The following NF2 variants were observed in gnomAD, a reference collection of about 807,000 sequenced individuals.
NF2 encodes the protein NF2, moesin-ezrin-radixin like (MERLIN) tumor suppressor.
A neutral mutation model predicts 83.7 loss-of-function variants in NF2; 8 were observed. That is an observed-to-expected ratio of 0.10 (90% CI 0.06 to 0.17). The LOEUF (loss-of-function observed/expected upper bound fraction) is 0.17. Among genes scored for constraint, NF2 ranks in the 10% least tolerant of loss-of-function variants. The pLI is 1.00. For missense variants in NF2, 533 were observed against 744.4 expected, an observed-to-expected ratio of 0.72 and a Z score of 3.31; for synonymous variants, 266 against 269.6, an observed-to-expected ratio of 0.99 and a Z score of 0.13.
intron 3 of NF2, among the ~76,000 whole-genome samples, chr22:29,640,890 T>C (rs2065789607): frequency 6.6e-6 from 1 of 152,046 alleles, no homozygotes; most frequent in South Asian, 2.1e-4. Flanking sequence ...TCCCAGCAAT[T>C]TGGGAGGCCG....
chr22:29,682,752 C>A (rs962761085), intron 15 of NF2, among the ~76,000 whole-genome samples: 1 of 152,160 alleles, frequency 6.6e-6, no homozygotes, highest in Non-Finnish European at 1.5e-5. Context: ...CTGCCTCAGA[C>A]ACCCCATCTC....
chr22:29,646,807 G>A (rs2065994122), intron 4 of NF2, among the ~76,000 whole-genome samples: 2 of 152,172 alleles, frequency 1.3e-5, no homozygotes, highest in Non-Finnish European at 2.9e-5. Context: ...ACTTTGGGAG[G>A]CCAAGGAGGA....
intron 6 of NF2, among the ~76,000 whole-genome samples, chr22:29,657,017 C>T (rs1038291031): frequency 6.6e-6 from 1 of 151,744 alleles, no homozygotes; most frequent in Non-Finnish European, 1.5e-5. Flanking sequence ...AGTTTCCTAA[C>T]ACTTTTTTTT....
At chr22:29,671,417 T>C (rs2066781722) in intron 10 of NF2, among the ~76,000 whole-genome samples, 1 of 152,066 alleles carries the variant, frequency 6.6e-6, no homozygotes, top group African/African-American at 2.4e-5. Context: ...TAGTCCCAGC[T>C]ACTCGGGAGG....
chr22:29,669,485 T>C (rs762702182), intron 10 of NF2, among the ~76,000 whole-genome samples: 2 of 152,144 alleles, frequency 1.3e-5, no homozygotes, highest in Non-Finnish European at 2.9e-5. Context: ...CCAGCCTGGG[T>C]GACCAAGCAA....
intron 1 of NF2, among the ~76,000 whole-genome samples, chr22:29,628,041 C>G (rs2065411022): frequency 6.6e-6 from 1 of 152,228 alleles, no homozygotes; most frequent in African/African-American, 2.4e-5. Flanking sequence ...ATCTAGTTAT[C>G]ATGATTATCA....
At position 29,658,168 on chromosome 22, in the gene NF2, TGTCTTCC is replaced by T; in HGVS notation, c.600-18_600-12del. 6.2e-7 allele frequency: 1 copy of T among 1,612,136 alleles called. No individual in the cohort carries two copies. The highest frequency in any genetic ancestry group is 8.5e-7 in the Non-Finnish European group (1 of 1,178,598). The stretch of plus-strand genomic sequence containing the variant: ...CCATCTCACTTAGCTCCAATGACAG[TGTCTTCC>T]GTTCTCCCCACAGGGATGAAGCTGA... On this transcript the variant is annotated splice_polypyrimidine_tract_variant and intron_variant, in intron 6 of 15. Coordinates refer to ENST00000338641, the MANE Select transcript of NF2 (RefSeq NM_000268.4).
intron 13 of NF2, among the ~76,000 whole-genome samples, 162 bp downstream of exon 13, chr22:29,675,103 C>G (rs946433971): frequency 2.0e-5 from 3 of 152,178 alleles, no homozygotes; most frequent in African/African-American, 7.2e-5. Context: ...CTGGGTAGAA[C>G]ATCCTGGTCT....
intron 7 of NF2, among the ~76,000 whole-genome samples, chr22:29,659,209 G>T (rs1327336560): frequency 6.6e-6 from 1 of 152,070 alleles, no homozygotes; most frequent in Non-Finnish European, 1.5e-5. Flanking sequence ...CTAATTGCTT[G>T]GTTTCTTTAA....
At position 29,695,334 on chromosome 22, in the gene NF2, G is replaced by T. The variant is rs886057346; in HGVS notation, c.*532G>T. ...TTCTCATCGTCAGGGAGCCCGCCCA[G>T]AGCTCGTGACGAGCAAGTGCTGGGT... is the stretch of plus-strand genomic sequence containing the variant. On this transcript the variant is annotated 3_prime_UTR_variant, in exon 16 of 16. Transcript: ENST00000338641. This position sits in a 1 kb window ranked among gnomAD's most constrained non-coding sequence, Gnocchi z 5.4. 9.7e-5 allele frequency: 26 copies of T among 266,722 alleles called. No homozygotes were observed. In the Middle Eastern group the frequency reaches 3.4e-3, roughly 35 times the overall value. The allele number at this position is 266,722 out of a possible 1,614,324, so 16.5% of individuals were successfully genotyped here.
rs757586383 is a variant in NF2 at position 29,681,563 on chromosome 22, G to A, written c.1699G>A (p.Asp567Asn). The change falls in exon 15 of 16, where the codon GAC (aspartate) becomes AAC (asparagine). Residue 567 changes from aspartate to asparagine, a missense_variant. Physicochemically the swap from Asp to Asn is conservative, Grantham distance 23 (BLOSUM62 1). Around this residue, in one of 3 missense-constraint regions of NF2, gnomAD observed 199 missense variants for 240.7 expected, o/e 0.83. Transcript: ENST00000338641. ...GGATATTCTGCACAATGAGAACTCC[G>A]ACAGGGGTGGCAGCAGCAAGCACAA... ...ALDILHNENS[D>N]RGGSSKHNTI... is the part of the protein sequence containing the mutation. 25 of 1,614,042 alleles carry A rather than the reference G, an allele frequency of 1.5e-5. No individual in the cohort carries two copies. Among genetic ancestry groups the A allele is most frequent in the East Asian group, 2.2e-5 (1 of 44,904 alleles).
In NF2 at chr22:29,643,463, G is replaced by T. The variant is rs1487224906; in HGVS notation, c.447+1178G>T. Among the ~76,000 whole-genome samples the T allele has an allele frequency of 7.2e-5, 11 of 152,270 alleles. No individual in the cohort carries two copies. In the East Asian group the frequency reaches 1.9e-3, roughly 27 times the overall value. On this transcript the variant is annotated intron_variant, in intron 4 of 15. Coordinates refer to ENST00000338641, the MANE Select transcript of NF2 (RefSeq NM_000268.4). ...ACTTCCGCAGCGTTTGTGTCCCTGGGTACTTGAGATTAGGGAGTGGTGATG... is the reference window on the plus strand; with the variant it reads ...ACTTCCGCAGCGTTTGTGTCCCTGGTTACTTGAGATTAGGGAGTGGTGATG...
chr22:29,644,390 T>A (rs2065917868), intron 4 of NF2, among the ~76,000 whole-genome samples: 1 of 148,224 alleles, frequency 6.7e-6, no homozygotes, highest in Non-Finnish European at 1.5e-5. Context: ...GCTCCTCACT[T>A]CCCAGATGGG....
intron 4 of NF2, among the ~76,000 whole-genome samples, chr22:29,650,296 AAC>A (rs2066109051): frequency 6.6e-6 from 1 of 152,224 alleles, no homozygotes; most frequent in Non-Finnish European, 1.5e-5. Flanking sequence ...AACTTTCAAT[AAC>A]AGTGTGTGAG....
At chr22:29,672,065 C>A in intron 11 of NF2, 117 bp downstream of exon 11, 1 of 1,483,072 alleles carries the variant, frequency 6.7e-7, no homozygotes, top group Non-Finnish European at 9.3e-7. Context: ...TACTTAATTT[C>A]AGCTTTGAAA....
intron 1 of NF2, among the ~76,000 whole-genome samples, chr22:29,627,384 C>T (rs888882095): frequency 2.6e-5 from 4 of 152,074 alleles, no homozygotes; most frequent in East Asian, 1.9e-4. Flanking sequence ...AAGATATTGT[C>T]GTGTTTGCTT....
intron 8 of NF2, among the ~76,000 whole-genome samples, chr22:29,663,703 C>T (rs2066539252): frequency 6.6e-6 from 1 of 152,214 alleles, no homozygotes. Context: ...CATTTTCTGT[C>T]CTCAGTGTAC....
At chr22:29,664,858 A>G (rs1054612627) in intron 8 of NF2, 132 bp from the exon 9 acceptor site, 4 of 739,110 alleles carry the variant, frequency 5.4e-6, no homozygotes, top group South Asian at 1.5e-5. Flanking sequence ...GTGCCTGGAT[A>G]CTGGGAAGCC....
chr22:29,644,724 GC>G (rs1297013996), intron 4 of NF2, among the ~76,000 whole-genome samples: 2 of 152,252 alleles, frequency 1.3e-5, no homozygotes, highest in Non-Finnish European at 2.9e-5. Context: ...CTGGAGACCG[GC>G]CCGGCCAACA....
Sources: allele counts gnomAD v4.1 joint callset (sites outside exome capture counted in the v4.1 genomes callset), GRCh38; gene constraint gnomAD v4.1.1; regional missense constraint gnomAD v4.1.1; non-coding constraint Gnocchi (gnomAD v3.1); transcripts MANE v1.5; gene names NCBI Gene and HGNC (gene_info 2026-07-23, HGNC 2026-07-21).